Variants in DRC11 observed in about 807,000 individuals in gnomAD.
DRC11 encodes dynein regulatory complex subunit 11, also known as IQ and AAA domain-containing protein 1.
the DRC11 span, among the ~76,000 whole-genome samples, chr2:236,366,783 C>CTCTCCCTCTCCCTCCCTCCT: frequency 1.4e-5 from 2 of 146,778 alleles, no homozygotes; most frequent in African/African-American, 5.4e-5. Flanking sequence ...CCCTCCCTCC[C>CTCTCCCTCTCCCTCCCTCCT]TCTCCCTCTC....
chr2:236,488,292 G>A, the DRC11 span: 342,050 of 809,286 alleles, frequency 0.42, 74,108 homozygotes, highest in African/African-American at 0.47. Context: ...TCCTGCTAAG[G>A]GTCCCCACGG....
chr2:236,315,224 C>T, the DRC11 span, among the ~76,000 whole-genome samples: 2 of 152,294 alleles, frequency 1.3e-5, no homozygotes, highest in African/African-American at 4.8e-5. This position sits in a 1 kb window ranked among gnomAD's most constrained non-coding sequence, Gnocchi z 5.1. Context: ...GGGAAAAGAA[C>T]AGTCTTTTCA....
the DRC11 span, among the ~76,000 whole-genome samples, chr2:236,485,401 T>C: frequency 6.6e-6 from 1 of 152,226 alleles, no homozygotes; most frequent in South Asian, 2.1e-4. Flanking sequence ...TGAGTCATTG[T>C]ATTTATCAAT....
At chr2:236,432,722 T>G in the DRC11 span, among the ~76,000 whole-genome samples, 3 of 152,172 alleles carry the variant, frequency 2.0e-5, no homozygotes, top group Non-Finnish European at 4.4e-5. Flanking sequence ...TTTCCCTTAC[T>G]CAGGGGTCAT....
At chr2:236,444,729 A>G in the DRC11 span, among the ~76,000 whole-genome samples, 1 of 152,184 alleles carries the variant, frequency 6.6e-6, no homozygotes, top group Non-Finnish European at 1.5e-5. Flanking sequence ...CACAGGAGTT[A>G]CTTTGGTGGG....
chr2:236,356,526 C>G, the DRC11 span, among the ~76,000 whole-genome samples: 6 of 152,186 alleles, frequency 3.9e-5, no homozygotes, highest in African/African-American at 1.4e-4. Context: ...CCTGACCTAG[C>G]GTGAAATCCA....
chr2:236,354,009 T>A, the DRC11 span, among the ~76,000 whole-genome samples: 1 of 152,244 alleles, frequency 6.6e-6, no homozygotes, highest in Non-Finnish European at 1.5e-5. Flanking sequence ...CTCACTGCAA[T>A]TAGCTGGATA....
the DRC11 span, among the ~76,000 whole-genome samples, chr2:236,491,230 T>TAC: frequency 1.5e-4 from 10 of 67,190 alleles, 1 homozygote; most frequent in African/African-American, 6.3e-4. Flanking sequence ...TATATATATA[T>TAC]ATATATATAT....
the DRC11 span, among the ~76,000 whole-genome samples, chr2:236,371,958 C>T: frequency 1.3e-5 from 2 of 152,246 alleles, no homozygotes; most frequent in East Asian, 1.9e-4. The surrounding 1 kb of genome is among the most constrained non-coding windows in gnomAD (Gnocchi z 5.1). Context: ...TACCCAAAGG[C>T]ACTTTTATTA....
the DRC11 span, among the ~76,000 whole-genome samples, chr2:236,470,361 C>T: frequency 1.3e-5 from 2 of 152,114 alleles, no homozygotes; most frequent in Non-Finnish European, 2.9e-5. The surrounding 1 kb of genome is among the most constrained non-coding windows in gnomAD (Gnocchi z 5.1). Context: ...ACATCTATTC[C>T]CAGCAAATGA....
chr2:236,424,676 T>C, the DRC11 span, among the ~76,000 whole-genome samples: 5 of 150,316 alleles, frequency 3.3e-5, no homozygotes, highest in Admixed American at 6.6e-5. Flanking sequence ...ACATTTACAA[T>C]CTATTCTCTT....
chr2:236,335,254 A>G, the DRC11 span, among the ~76,000 whole-genome samples: 9 of 152,204 alleles, frequency 5.9e-5, no homozygotes, highest in Non-Finnish European at 1.3e-4. The surrounding 1 kb of genome is among the most constrained non-coding windows in gnomAD (Gnocchi z 5.6). Context: ...TGATAGCTGC[A>G]AAGACAAGAA....
the DRC11 span, among the ~76,000 whole-genome samples, chr2:236,397,537 C>T: frequency 1.3e-5 from 2 of 152,238 alleles, no homozygotes; most frequent in Non-Finnish European, 2.9e-5. The surrounding 1 kb of genome is among the most constrained non-coding windows in gnomAD (Gnocchi z 5.0). Flanking sequence ...AGACGGAGGG[C>T]TCCACAAAGG....
At chr2:236,336,028 CGCTTCTTTGGATGCTGGCCAGGT>C in the DRC11 span, among the ~76,000 whole-genome samples, 1 of 152,146 alleles carries the variant, frequency 6.6e-6, no homozygotes, top group South Asian at 2.1e-4. The surrounding 1 kb of genome is among the most constrained non-coding windows in gnomAD (Gnocchi z 7.3). Flanking sequence ...TGTCTTCCCT[CGCTTCTTTGGATGCTGGCCAGGT>C]GCAAAAGGTT....
At chr2:236,361,180 A>G in the DRC11 span, among the ~76,000 whole-genome samples, 1 of 152,244 alleles carries the variant, frequency 6.6e-6, no homozygotes, top group Non-Finnish European at 1.5e-5. This position sits in a 1 kb window ranked among gnomAD's most constrained non-coding sequence, Gnocchi z 5.7. Context: ...CAGCAGAGAA[A>G]TGAAAACGAG....
At chr2:236,382,022 C>G in the DRC11 span, among the ~76,000 whole-genome samples, 1 of 152,086 alleles carries the variant, frequency 6.6e-6, no homozygotes, top group African/African-American at 2.4e-5. Context: ...GTTTTGGATG[C>G]TAATTCTAAG....
At chr2:236,395,482 T>A in the DRC11 span, among the ~76,000 whole-genome samples, 1 of 152,196 alleles carries the variant, frequency 6.6e-6, no homozygotes, top group Non-Finnish European at 1.5e-5. Flanking sequence ...TGCACTCCCT[T>A]AGATTTTGTG....
At chr2:236,484,038 G>A in the DRC11 span, among the ~76,000 whole-genome samples, 1 of 152,184 alleles carries the variant, frequency 6.6e-6, no homozygotes, top group Admixed American at 6.5e-5. Context: ...GAGGAAGGCA[G>A]TATTAGAAAT....
the DRC11 span, chr2:236,408,956 G>T: frequency 1.4e-6 from 1 of 706,600 alleles, no homozygotes; most frequent in South Asian, 1.4e-5. This position sits in a 1 kb window ranked among gnomAD's most constrained non-coding sequence, Gnocchi z 5.5. Flanking sequence ...CTGCGAAGTG[G>T]ACCGGCTTGG....
Sources: allele counts gnomAD v4.1 joint callset (sites outside exome capture counted in the v4.1 genomes callset), GRCh38; gene constraint gnomAD v4.1.1; non-coding constraint Gnocchi (gnomAD v3.1); transcripts MANE v1.5; gene names NCBI Gene and HGNC (gene_info 2026-07-23, HGNC 2026-07-21).